Variants in PTPRD observed in about 807,000 individuals in gnomAD.
PTPRD encodes the protein protein tyrosine phosphatase receptor type D, also known as receptor-type tyrosine-protein phosphatase delta.
PTPRD carries 34 observed loss-of-function variants against 214.5 expected under a neutral mutation model. The observed-to-expected ratio is 0.16, with a 90% confidence interval of 0.12 to 0.21. PTPRD has a LOEUF of 0.21. Ranked by LOEUF, PTPRD falls within the 10% of genes least tolerant of loss-of-function variation. The probability of loss-of-function intolerance (pLI) is 1.00; values close to 1 mark genes in which losing one functional copy is unlikely to be tolerated. For synonymous variants in PTPRD, 1,128 were observed against 845.7 expected, an observed-to-expected ratio of 1.33 and a Z score of -5.79; for missense variants, 2,545 against 2,398.7, an observed-to-expected ratio of 1.06 and a Z score of -1.27.
intron 9 of PTPRD, among the ~76,000 whole-genome samples, chr9:9,375,734 G>C (rs2780077): frequency 0.051 from 7,730 of 152,254 alleles, 643 homozygotes; most frequent in African/African-American, 0.18. Context: ...CTCACATGAG[G>C]TATCTGGAAT....
At chr9:9,208,635 T>C (rs10977574) in intron 9 of PTPRD, among the ~76,000 whole-genome samples, 16,230 of 152,022 alleles carry the variant, frequency 0.11, 973 homozygotes, top group Middle Eastern at 0.14. Flanking sequence ...CTATCTGTCT[T>C]AAGTGAACCA....
At chr9:9,402,908 G>A (rs945283130) in intron 8 of PTPRD, among the ~76,000 whole-genome samples, 1 of 139,398 alleles carries the variant, frequency 7.2e-6, no homozygotes, top group Non-Finnish European at 1.5e-5. Flanking sequence ...AATGTAGTGA[G>A]AGGGCATATG....
At chr9:9,204,930 G>A (rs960367797) in intron 9 of PTPRD, among the ~76,000 whole-genome samples, 1 of 152,052 alleles carries the variant, frequency 6.6e-6, no homozygotes, top group African/African-American at 2.4e-5. Flanking sequence ...CTGGAGTTAG[G>A]ATACACTTCC....
chr9:8,783,855 A>T (rs1449551897), intron 11 of PTPRD, among the ~76,000 whole-genome samples: 1 of 152,200 alleles, frequency 6.6e-6, no homozygotes, highest in Non-Finnish European at 1.5e-5. Context: ...AAAGAAAAAT[A>T]AAAAACTTGA....
At chr9:9,703,210 C>G (rs561735304) in intron 7 of PTPRD, among the ~76,000 whole-genome samples, 1 of 152,232 alleles carries the variant, frequency 6.6e-6, no homozygotes, top group Non-Finnish European at 1.5e-5. Flanking sequence ...CGTCTTGTGC[C>G]TGCTTCCCTT....
At chr9:9,906,141 C>T (rs1251220045) in intron 5 of PTPRD, among the ~76,000 whole-genome samples, 1 of 151,702 alleles carries the variant, frequency 6.6e-6, no homozygotes, top group African/African-American at 2.4e-5. Flanking sequence ...GTAATCTAGT[C>T]ATGGGGGAAG....
chr9:10,036,933 G>A (rs189303631), intron 3 of PTPRD, among the ~76,000 whole-genome samples: 5 of 151,792 alleles, frequency 3.3e-5, no homozygotes, highest in Non-Finnish European at 5.9e-5. Flanking sequence ...TGCTCAAGGT[G>A]AGTGCAGTGG....
chr9:9,269,841 C>T (rs1942042957), intron 9 of PTPRD, among the ~76,000 whole-genome samples: 2 of 151,134 alleles, frequency 1.3e-5, no homozygotes, highest in African/African-American at 2.4e-5. Flanking sequence ...AGGATGGTAA[C>T]CTGAGGTTGG....
intron 3 of PTPRD, among the ~76,000 whole-genome samples, chr9:10,278,489 T>G (rs2094864031): frequency 6.6e-6 from 1 of 152,124 alleles, no homozygotes; most frequent in Non-Finnish European, 1.5e-5. Flanking sequence ...TCATCTAATT[T>G]GCACATAGTA....
intron 11 of PTPRD, among the ~76,000 whole-genome samples, chr9:8,868,121 A>T (rs1000262349): frequency 6.6e-6 from 1 of 152,096 alleles, no homozygotes; most frequent in Non-Finnish European, 1.5e-5. Context: ...CCACCTTTTA[A>T]AACATATGTG....
chr9:9,403,364 T>C lies in PTPRD; in HGVS notation c.-236-5882A>G, dbSNP rs546982850. Reference sequence around the variant, plus strand: ...TAAAAGAATAATGTACGAATTGTGATATCACATGTATAAGTTGTGATACAT... The same window carrying C: ...TAAAAGAATAATGTACGAATTGTGACATCACATGTATAAGTTGTGATACAT... On this transcript the variant is annotated intron_variant, in intron 8 of 45. Coordinates refer to ENST00000381196, the MANE Select transcript of PTPRD (RefSeq NM_002839.4). Among the ~76,000 whole-genome samples the C allele has an allele frequency of 5.3e-5, 8 of 150,434 alleles. No homozygotes were observed. The South Asian group carries it at 1.3e-3, about 24-fold the overall frequency.
At chr9:9,643,586 T>C (rs1040585938) in intron 7 of PTPRD, among the ~76,000 whole-genome samples, 1 of 152,194 alleles carries the variant, frequency 6.6e-6, no homozygotes, top group African/African-American at 2.4e-5. Flanking sequence ...CCTCACCTTA[T>C]AAAATTAATA....
chr9:8,533,464 G>C (rs2076206304), intron 14 of PTPRD, among the ~76,000 whole-genome samples: 3 of 152,016 alleles, frequency 2.0e-5, no homozygotes, highest in Non-Finnish European at 4.4e-5. Flanking sequence ...TTCAAGTGCA[G>C]TATTTAAAAA....
intron 2 of PTPRD, among the ~76,000 whole-genome samples, chr9:10,484,795 A>T (rs570012310): frequency 6.5e-4 from 99 of 151,920 alleles, no homozygotes; most frequent in Non-Finnish European, 1.2e-3. Flanking sequence ...TAGTTTGCAA[A>T]TATTTTCTCT....
At chr9:10,531,955 T>A (rs1348240838) in intron 2 of PTPRD, among the ~76,000 whole-genome samples, 1 of 152,186 alleles carries the variant, frequency 6.6e-6, no homozygotes, top group Non-Finnish European at 1.5e-5. Context: ...GAATTAACCT[T>A]ATTTAATAGT....
intron 14 of PTPRD, among the ~76,000 whole-genome samples, chr9:8,532,109 T>G (rs2075841348): frequency 6.6e-6 from 1 of 152,090 alleles, no homozygotes; most frequent in Non-Finnish European, 1.5e-5. Context: ...CATCCCCCTT[T>G]GCACAGAATC....
intron 2 of PTPRD, among the ~76,000 whole-genome samples, chr9:10,515,025 A>G (rs1158144228): frequency 6.6e-6 from 1 of 152,092 alleles, no homozygotes; most frequent in East Asian, 1.9e-4. Flanking sequence ...GTACTTAAAA[A>G]GTAATGTAAT....
intron 5 of PTPRD, among the ~76,000 whole-genome samples, chr9:9,934,408 C>T (rs2088248889): frequency 7.3e-6 from 1 of 136,640 alleles, no homozygotes; most frequent in African/African-American, 2.8e-5. Context: ...CCACCGATCC[C>T]ACAGAAAGAC....
chr9:9,314,531 T>C (rs1312701102), intron 9 of PTPRD, among the ~76,000 whole-genome samples: 1 of 152,132 alleles, frequency 6.6e-6, no homozygotes, highest in Non-Finnish European at 1.5e-5. Context: ...CAAAATGTTA[T>C]CAAATGAATA....
Sources: gnomAD v4.1 joint callset for allele counts (sites outside exome capture counted in the v4.1 genomes callset) on GRCh38, gnomAD v4.1.1 for gene constraint, MANE v1.5 for transcripts, NCBI Gene and HGNC (gene_info 2026-07-23, HGNC 2026-07-21) for gene names.